Variants in CANX observed in about 807,000 individuals in gnomAD.
CANX encodes the protein calnexin, also known as epididymis secretory sperm binding protein.
In CANX, 14 loss-of-function variants were observed where a neutral mutation model predicts 75.7. The observed-to-expected ratio is 0.19, with a 90% CI of 0.12 to 0.29. The LOEUF is 0.29. CANX is among the 10% of genes least tolerant of loss of function. The probability of loss-of-function intolerance (pLI) is 1.00; values close to 1 mark genes in which losing one functional copy is unlikely to be tolerated. For missense variants in CANX, 567 were observed against 713.2 expected, an observed-to-expected ratio of 0.79 and a Z score of 2.34; for synonymous variants, 227 against 236.9, an observed-to-expected ratio of 0.96 and a Z score of 0.38.
At chr5:179,720,703 G>C (rs911919839) in intron 10 of CANX, 143 bp downstream of exon 10, 5 of 710,754 alleles carry the variant, frequency 7.0e-6, no homozygotes, top group Middle Eastern at 5.1e-4. Flanking sequence ...TAAGTTGAAA[G>C]AGAGCTTAAT....
Position 179,685,426 on chromosome 5 carries a change from TTAGTAGAGAC to T in CANX, c.-4+6650_-4+6659del, listed in dbSNP as rs544727961. 2.0e-4 allele frequency among the ~76,000 whole-genome samples: 31 copies of T among 152,116 alleles called. No homozygotes were observed. The East Asian group carries it at 5.4e-3, about 27-fold the overall frequency. ...ACCATGCCTGGCTAATTTTGTATTTTTAGTAGAGACGGTGTTTCTCTATGTTGGTCAGGCT... is the reference window on the plus strand; with the variant it reads ...ACCATGCCTGGCTAATTTTGTATTTTGGTGTTTCTCTATGTTGGTCAGGCT... On this transcript the variant is annotated intron_variant, in intron 1 of 14. Coordinates refer to the CANX transcript ENST00000681674.
rs961298415 is a variant in CANX, at chr5:179,729,640, T to C, written c.*996T>C. On this transcript the variant is annotated 3_prime_UTR_variant, in exon 15 of 15. Coordinates refer to ENST00000247461, the MANE Select transcript of CANX (RefSeq NM_001746.4). Reference sequence around the variant, plus strand: ...AGCCCTGCATAATGTTAAGCTTTATTGTGATTACGTGTATGTTTCTTCTTT... The same window carrying C: ...AGCCCTGCATAATGTTAAGCTTTATCGTGATTACGTGTATGTTTCTTCTTT... The C allele has an allele frequency of 1.3e-5, 2 of 152,724 alleles. No individual in the cohort carries two copies. Among genetic ancestry groups the C allele is most frequent in the Non-Finnish European group, 2.9e-5 (2 of 68,064 alleles). The allele number at this position is 152,724 out of a possible 1,614,324, so 9.5% of individuals were successfully genotyped here. A position where few individuals can be genotyped will look rare whatever the true frequency, so the allele number is the denominator to read the frequency against.
chr5:179,682,194 A>AGAGG (rs1776080867), intron 1 of CANX, among the ~76,000 whole-genome samples: 1 of 145,488 alleles, frequency 6.9e-6, no homozygotes, highest in Non-Finnish European at 1.5e-5. Context: ...AGAGGTTGCA[A>AGAGG]TGAGCGAAGA....
intron 4 of CANX, 59 bp from the exon 5 acceptor site, chr5:179,708,180 A>T: frequency 6.7e-7 from 1 of 1,490,280 alleles, no homozygotes; most frequent in Non-Finnish European, 9.3e-7. Context: ...TTTTTTTGGC[A>T]TTTAAAGGAC....
chr5:179,678,663 C>G, exon 1 of CANX: 9 of 1,535,466 alleles, frequency 5.9e-6, no homozygotes, highest in Non-Finnish European at 7.9e-6. Context: ...TTCCTCTGCC[C>G]GGCGCGCGCC....
At chr5:179,718,446 A>C (rs1395383175) in intron 8 of CANX, among the ~76,000 whole-genome samples, 1 of 150,972 alleles carries the variant, frequency 6.6e-6, no homozygotes, top group Non-Finnish European at 1.5e-5. Context: ...TGGTCTCAAA[A>C]TTCTGATGTC....
Position 179,698,982 on chromosome 5 carries a change from C to CT in CANX, c.-123dup. On this transcript the variant is annotated 5_prime_UTR_variant, in exon 1 of 15. Transcript: ENST00000247461. The stretch of plus-strand genomic sequence containing the variant: ...CTCGCGCGGCAGCGGTGGCCGAGGC[C>CT]TCTTGGTTCTGCGGCACGTGACGGT... 4 of 1,125,160 alleles carry CT rather than the reference C, an allele frequency of 3.6e-6. No individual in the cohort carries two copies. The highest frequency in any genetic ancestry group is 4.4e-6 in the Non-Finnish European group (4 of 912,364). 69.7% of individuals were successfully genotyped at this position (1,125,160 alleles called of 1,614,324 possible).
At position 179,722,694 on chromosome 5, in the gene CANX, A is replaced by G. The variant is rs1425337146; in HGVS notation, c.1183-110A>G. Reference sequence around the variant, plus strand: ...CTGTTGCTTATTTCAAGTTTCATGAAGTTGGCATTTCTCTCCATTGTTCAT... The same window carrying G: ...CTGTTGCTTATTTCAAGTTTCATGAGGTTGGCATTTCTCTCCATTGTTCAT... On this transcript the variant is annotated intron_variant, in intron 10 of 14. Coordinates refer to ENST00000247461, the MANE Select transcript of CANX (RefSeq NM_001746.4). 7 of 657,520 alleles carry G rather than the reference A, an allele frequency of 1.1e-5. No homozygotes were observed. In the Admixed American group the frequency reaches 2.0e-4, roughly 19 times the overall value. 40.7% of individuals were successfully genotyped at this position (657,520 alleles called of 1,614,324 possible). A position where few individuals can be genotyped will look rare whatever the true frequency, so the allele number is the denominator to read the frequency against.
At position 179,728,707 on chromosome 5, in the gene CANX, G is replaced by C. The variant is rs1778823608; in HGVS notation, c.*63G>C. On this transcript the variant is annotated 3_prime_UTR_variant, in exon 15 of 15. Transcript: ENST00000247461. ...TCCTCCCCTGCAAGAGTGGTCCTAG[G>C]AGAGGACCTGGCACACCTTAGGTTG... 1 of 1,158,438 alleles carries C rather than the reference G, an allele frequency of 8.6e-7. No individual in the cohort carries two copies. The highest frequency in any genetic ancestry group is 1.3e-6 in the Non-Finnish European group (1 of 768,480). The allele number at this position is 1,158,438 out of a possible 1,614,324, so 71.8% of individuals were successfully genotyped here.
intron 1 of CANX, among the ~76,000 whole-genome samples, chr5:179,684,478 T>G (rs1776147580): frequency 6.6e-6 from 1 of 150,620 alleles, no homozygotes; most frequent in Non-Finnish European, 1.5e-5. Context: ...TAGCTGGGAC[T>G]ACAGGTGCCC....
At chr5:179,712,635 G>T (rs544277314) in intron 7 of CANX, among the ~76,000 whole-genome samples, 1 of 148,800 alleles carries the variant, frequency 6.7e-6, no homozygotes, top group Non-Finnish European at 1.5e-5. Context: ...ATGTTGGTCA[G>T]GCTGGTCTCA....
At chr5:179,701,244 T>C (rs554390915) in intron 1 of CANX, among the ~76,000 whole-genome samples, 1 of 152,172 alleles carries the variant, frequency 6.6e-6, no homozygotes, top group Non-Finnish European at 1.5e-5. Flanking sequence ...TCCTCACCTT[T>C]AGGGGGCAAT....
chr5:179,723,368 G>A, intron 11 of CANX: 1 of 426,042 alleles, frequency 2.3e-6, no homozygotes, highest in Non-Finnish European at 4.1e-6. Context: ...TTAAGAATTG[G>A]AGAGCCAGGG....
intron 1 of CANX, among the ~76,000 whole-genome samples, chr5:179,683,517 C>T (rs187541037): frequency 9.8e-4 from 149 of 151,832 alleles, no homozygotes; most frequent in African/African-American, 3.2e-3. Context: ...ATAATGTATC[C>T]ATCTGGAGGT....
Position 179,684,919 on chromosome 5 carries a change from A to ATTTTTTTTTTTTT in CANX, c.-4+6146_-4+6147insTTTTTTTTTTTTT, listed in dbSNP as rs1562433057. On this transcript the variant is annotated intron_variant, in intron 1 of 14. Transcript: ENST00000681674. ...AGGCGTGTGCCACCACACCTGGCTA[A>ATTTTTTTTTTTTT]TTTTGTATTTTTTTTTTTTTTTTTT... 2.4e-4 allele frequency among the ~76,000 whole-genome samples: 23 copies of ATTTTTTTTTTTTT among 95,258 alleles called. 2 individuals are homozygous for ATTTTTTTTTTTTT. Among genetic ancestry groups the ATTTTTTTTTTTTT allele is most frequent in the African/African-American group, 9.8e-4 (23 of 23,398 alleles). The allele number at this position is 95,258 out of a possible 152,430, so 62.5% of individuals were successfully genotyped here.
chr5:179,712,411 GA>G lies in CANX; in HGVS notation c.721+2348del, dbSNP rs1361473035. ...ATAAATAGGCATGCCTCTTTCTGAA[GA>G]ATATAATAACCTTTTTTTTTTTTGA... is the stretch of plus-strand genomic sequence containing the variant. On this transcript the variant is annotated intron_variant, in intron 7 of 14. Coordinates refer to ENST00000247461, the MANE Select transcript of CANX (RefSeq NM_001746.4). Among the ~76,000 whole-genome samples, 4 of 151,030 alleles carry G rather than the reference GA, an allele frequency of 2.6e-5. No individual in the cohort carries two copies. In the East Asian group the frequency reaches 7.8e-4, roughly 29 times the overall value.
chr5:179,691,742 A>G (rs1776301966), intron 1 of CANX, among the ~76,000 whole-genome samples: 1 of 151,820 alleles, frequency 6.6e-6, no homozygotes, highest in Non-Finnish European at 1.5e-5. Flanking sequence ...AGGTAGTTTC[A>G]CTATATCTCT....
intron 14 of CANX, among the ~76,000 whole-genome samples, chr5:179,728,347 G>T (rs1023890347): frequency 6.6e-6 from 1 of 152,098 alleles, no homozygotes; most frequent in African/African-American, 2.4e-5. Context: ...TTAAGAAAAT[G>T]TTTATGGGTT....
intron 1 of CANX, among the ~76,000 whole-genome samples, chr5:179,683,159 C>T (rs745766841): frequency 1.0e-4 from 13 of 125,894 alleles, no homozygotes; most frequent in East Asian, 2.5e-4. Flanking sequence ...GACGGAGTCT[C>T]GCTCTGTCGC....
Sources: allele counts gnomAD v4.1 joint callset (sites outside exome capture counted in the v4.1 genomes callset), GRCh38; gene constraint gnomAD v4.1.1; transcripts MANE v1.5; gene names NCBI Gene and HGNC (gene_info 2026-07-23, HGNC 2026-07-21).